The following MAGI2 variants were observed in gnomAD, a reference collection of about 807,000 sequenced individuals.
The protein encoded by MAGI2 is membrane-associated guanylate kinase, WW and PDZ domain-containing protein 2.
Under a neutral mutation model 133.3 loss-of-function variants are expected in MAGI2, and 35 were observed. The ratio of observed to expected loss-of-function variants is 0.26; its 90% confidence interval spans 0.20 to 0.35. The LOEUF is 0.35. MAGI2 is among the 10% of genes least tolerant of loss of function. MAGI2 has a pLI of 1.00. For synonymous variants in MAGI2, 729 were observed against 710.6 expected (o/e 1.03, Z -0.41); for missense variants, 1,636 against 1,863.4 (o/e 0.88, Z 2.25).
intron 1 of MAGI2, among the ~76,000 whole-genome samples, chr7:79,263,768 A>T (rs1834244316): frequency 2.0e-5 from 3 of 152,190 alleles, no homozygotes; most frequent in East Asian, 3.8e-4. Context: ...CTGAGGCTAT[A>T]CTAAAGACTT....
intron 1 of MAGI2, chr7:79,030,384 G>T (rs1375901604): frequency 6.6e-6 from 1 of 152,184 alleles, no homozygotes; most frequent in Non-Finnish European, 1.5e-5. Context: ...CTAGGAGAGC[G>T]ATTGAGAAAA....
At chr7:78,191,885 C>T (rs576210159) in intron 12 of MAGI2, among the ~76,000 whole-genome samples, 2 of 152,128 alleles carry the variant, frequency 1.3e-5, no homozygotes, top group Non-Finnish European at 1.5e-5. Context: ...TCAGCATAAT[C>T]GAATTATAAG....
intron 2 of MAGI2, among the ~76,000 whole-genome samples, chr7:78,929,593 T>C (rs1298502041): frequency 2.0e-5 from 3 of 151,972 alleles, no homozygotes; most frequent in Non-Finnish European, 4.4e-5. Flanking sequence ...TGTGGCCCAG[T>C]TTTCCGTCTT....
intron 1 of MAGI2, among the ~76,000 whole-genome samples, chr7:79,394,707 T>A (rs1319585362): frequency 6.6e-6 from 1 of 152,232 alleles, no homozygotes; most frequent in Non-Finnish European, 1.5e-5. Flanking sequence ...AATCATGTTG[T>A]TCCTGTTGAA....
chr7:79,039,543 A>G (rs942893306), intron 1 of MAGI2, among the ~76,000 whole-genome samples: 28 of 152,154 alleles, frequency 1.8e-4, no homozygotes, highest in Admixed American at 3.3e-4. Flanking sequence ...CTGTATAGCT[A>G]GGGAAACAAT....
chr7:79,030,003 A>G (rs1351246128), intron 1 of MAGI2, among the ~76,000 whole-genome samples: 1 of 152,198 alleles, frequency 6.6e-6, no homozygotes, highest in Admixed American at 6.6e-5. Context: ...CATGTGGCAC[A>G]TTAGCCTCCG....
In MAGI2 at chr7:78,827,310, G is replaced by T. The variant is rs145174025; in HGVS notation, c.418+179780C>A. On this transcript the variant is annotated intron_variant, in intron 2 of 21. Transcript: ENST00000354212. ...TTTTATTTTTTTGAGACAGGGTCTT[G>T]CTCTGTCACTAAGGCTGCAGTGCAG... Among the ~76,000 whole-genome samples, 1,028 of 152,152 alleles carry T rather than the reference G, an allele frequency of 6.8e-3. 1 individual carries two copies. The highest frequency in any genetic ancestry group is 0.012 in the Non-Finnish European group (786 of 67,994).
intron 1 of MAGI2, among the ~76,000 whole-genome samples, chr7:79,038,936 C>A (rs1350076850): frequency 2.6e-5 from 4 of 152,172 alleles, no homozygotes; most frequent in African/African-American, 9.7e-5. Context: ...TTTTCATTTG[C>A]AAAGATATAA....
rs186656777 is a variant in MAGI2 at position 78,716,706 on chromosome 7, G to T, written c.419-89467C>A. Among the ~76,000 whole-genome samples the T allele has an allele frequency of 1.1e-4, 17 of 152,224 alleles. No homozygotes were observed. The East Asian group carries it at 1.2e-3, about 10-fold the overall frequency. The stretch of plus-strand genomic sequence containing the variant: ...TAAGAAAGATCAATTTCCCCATTTG[G>T]CTATATACCAGAGCAGGGACACAGA... On this transcript the variant is annotated intron_variant, in intron 2 of 21. Transcript: ENST00000354212.
At chr7:78,883,372 T>C (rs953153997) in intron 2 of MAGI2, among the ~76,000 whole-genome samples, 1 of 151,760 alleles carries the variant, frequency 6.6e-6, no homozygotes, top group African/African-American at 2.4e-5. Context: ...ATGAAAGAAA[T>C]CAGAGATAAC....
chr7:79,032,675 G>A (rs1290742713), intron 1 of MAGI2, among the ~76,000 whole-genome samples: 1 of 151,678 alleles, frequency 6.6e-6, no homozygotes, highest in Non-Finnish European at 1.5e-5. Flanking sequence ...TAGCTTTCAG[G>A]GAATCTATTA....
rs186494456 is a variant in MAGI2 at position 79,123,601 on chromosome 7, C to T, written c.302-116395G>A. Among the ~76,000 whole-genome samples, 677 of 152,074 alleles carry T rather than the reference C, an allele frequency of 4.5e-3. 7 individuals carry two copies. The highest frequency in any genetic ancestry group is 0.016 in the African/African-American group (647 of 41,474). ...AGGAGTTTGAGACCAGCCTGACCAA[C>T]ATGGTGAAACCTCATCTCTACTAAA... On this transcript the variant is annotated intron_variant, in intron 1 of 21. Coordinates refer to ENST00000354212, the MANE Select transcript of MAGI2 (RefSeq NM_012301.4).
intron 2 of MAGI2, among the ~76,000 whole-genome samples, chr7:78,629,173 T>A (rs911733278): frequency 6.6e-6 from 1 of 152,166 alleles, no homozygotes; most frequent in Admixed American, 6.5e-5. Flanking sequence ...TACTTTCGGT[T>A]CACTAAGTGG....
chr7:78,147,809 A>G (rs1371869079), intron 16 of MAGI2, among the ~76,000 whole-genome samples: 1 of 152,110 alleles, frequency 6.6e-6, no homozygotes, highest in African/African-American at 2.4e-5. Context: ...CAGCCTGGGC[A>G]ACATAGGGAT....
intron 2 of MAGI2, among the ~76,000 whole-genome samples, chr7:78,941,728 TCACACA>T (rs3068585): frequency 0.028 from 3,428 of 123,392 alleles, 59 homozygotes; most frequent in African/African-American, 0.045. Flanking sequence ...GCCTATTTCA[TCACACA>T]CACACACACA....
chr7:78,478,082 T>TC (rs1791967046), intron 6 of MAGI2, among the ~76,000 whole-genome samples: 1 of 151,688 alleles, frequency 6.6e-6, no homozygotes, highest in African/African-American at 2.4e-5. Flanking sequence ...TAGCTCCCTA[T>TC]CCCCCAACAG....
At chr7:79,023,810 A>G (rs1809581788) in intron 1 of MAGI2, among the ~76,000 whole-genome samples, 1 of 152,180 alleles carries the variant, frequency 6.6e-6, no homozygotes, top group South Asian at 2.1e-4. Flanking sequence ...TGAGAATTAG[A>G]AAACACTGCT....
At chr7:78,562,939 G>A (rs1044202846) in intron 3 of MAGI2, among the ~76,000 whole-genome samples, 7 of 151,376 alleles carry the variant, frequency 4.6e-5, no homozygotes, top group African/African-American at 1.7e-4. Context: ...AATTATGTAT[G>A]AAAATACATT....
chr7:78,146,243 C>T (rs184874258), intron 16 of MAGI2, among the ~76,000 whole-genome samples: 3 of 152,112 alleles, frequency 2.0e-5, no homozygotes, highest in African/African-American at 7.2e-5. Context: ...GATTTCTCTG[C>T]CCTGCTGAGT....
Sources: gnomAD v4.1 joint callset for allele counts (sites outside exome capture counted in the v4.1 genomes callset) on GRCh38, gnomAD v4.1.1 for gene constraint, MANE v1.5 for transcripts, NCBI Gene and HGNC (gene_info 2026-07-23, HGNC 2026-07-21) for gene names.